PSMD7: variants seen among roughly 807,000 people sequenced by gnomAD.
The protein encoded by PSMD7 is proteasome 26S subunit, non-ATPase 7.
A neutral mutation model predicts 36.4 loss-of-function variants in PSMD7; 13 were observed. The observed-to-expected ratio is 0.36, with a 90% CI of 0.23 to 0.57. The LOEUF (loss-of-function observed/expected upper bound fraction) is 0.57, where lower values mean the gene tolerates loss of function less well. PSMD7 is among the 20% of genes least tolerant of loss of function. The pLI is 0.83. For synonymous variants in PSMD7, 186 were observed against 151.0 expected (o/e 1.23, Z -1.70); for missense variants, 298 against 393.6 (o/e 0.76, Z 2.06).
chr16:74,301,609 A>G lies in PSMD7; in HGVS notation c.314A>G (p.Asp105Gly). 1 of 1,613,866 alleles carries G rather than the reference A, an allele frequency of 6.2e-7. No homozygotes were observed. The highest frequency in any genetic ancestry group is 8.5e-7 in the Non-Finnish European group (1 of 1,179,762). Residue 105 changes from aspartate to glycine, a missense_variant, in exon 4 of 7, where the codon GAC becomes GGC. Physicochemically the swap from Asp to Gly is moderately conservative, Grantham distance 94. Coordinates refer to ENST00000219313, the MANE Select transcript of PSMD7 (RefSeq NM_002811.5). ...YHTGPKLHKNDIAINELMKRY... is the reference protein window; with the variant it reads ...YHTGPKLHKNGIAINELMKRY... ...ACAGGCCCTAAACTACACAAGAATG[A>G]CATTGCCATCAACGAACTCATGAAA...
intron 1 of PSMD7, chr16:74,299,712 C>A: frequency 3.1e-6 from 1 of 323,672 alleles, no homozygotes; most frequent in Non-Finnish European, 6.2e-6. Flanking sequence ...CATCTTTATT[C>A]CAAAAAAGAT....
chr16:74,297,485 T>C (rs2142560427), intron 1 of PSMD7, among the ~76,000 whole-genome samples: 1 of 151,720 alleles, frequency 6.6e-6, no homozygotes, highest in East Asian at 1.9e-4. Flanking sequence ...TTGATTTCAC[T>C]GAAATGTGAA....
intron 1 of PSMD7, 56 bp downstream of exon 1, chr16:74,297,044 A>C (rs1470674879): frequency 2.5e-6 from 4 of 1,573,498 alleles, no homozygotes; most frequent in Non-Finnish European, 3.5e-6. Flanking sequence ...AGTCACGGGC[A>C]CGCTGGAGAT....
intron 4 of PSMD7, among the ~76,000 whole-genome samples, 162 bp downstream of exon 4, chr16:74,301,814 A>G (rs1275011227): frequency 6.6e-6 from 1 of 152,172 alleles, no homozygotes; most frequent in Non-Finnish European, 1.5e-5. Context: ...GTGACCTAAT[A>G]TATTTGATAA....
chr16:74,297,050 G>C (rs920131536), intron 1 of PSMD7, 62 bp downstream of exon 1: 2 of 1,559,218 alleles, frequency 1.3e-6, no homozygotes, highest in Non-Finnish European at 8.7e-7. Context: ...GGGCACGCTG[G>C]AGATGGCGCG....
intron 1 of PSMD7, among the ~76,000 whole-genome samples, chr16:74,298,242 C>G (rs2034129258): frequency 6.6e-6 from 1 of 151,480 alleles, no homozygotes; most frequent in African/African-American, 2.4e-5. Context: ...ATCTAGTAAG[C>G]TCATTGTTTG....
chr16:74,297,956 C>T (rs1391083373), intron 1 of PSMD7, among the ~76,000 whole-genome samples: 1 of 150,668 alleles, frequency 6.6e-6, no homozygotes, highest in Non-Finnish European at 1.5e-5. Context: ...TAGACTCCGT[C>T]TCAAAAAAAA....
At chr16:74,297,116 C>A in intron 1 of PSMD7, 128 bp downstream of exon 1, 3 of 992,652 alleles carry the variant, frequency 3.0e-6, no homozygotes, top group South Asian at 1.5e-5. Flanking sequence ...CTTACTTGTT[C>A]ACGAGTCCAG....
rs1029729622 is a variant in PSMD7 at position 74,305,871 on chromosome 16, C to G, written c.*138C>G. On this transcript the variant is annotated 3_prime_UTR_variant, in exon 7 of 7. Transcript: ENST00000219313. ...CAAGAGCTCTCTGCCTCCGGTCACT[C>G]TTGCTGTGGTGCTACGTGGAAGTGA... The G allele has an allele frequency of 2.3e-5, 23 of 1,007,794 alleles. No homozygotes were observed. Among genetic ancestry groups the G allele is most frequent in the Non-Finnish European group, 3.1e-5 (23 of 752,168 alleles). The allele number at this position is 1,007,794 out of a possible 1,614,324, so 62.4% of individuals were successfully genotyped here.
chr16:74,297,097 C>A (rs1009609885), intron 1 of PSMD7, 109 bp downstream of exon 1: 1 of 1,185,400 alleles, frequency 8.4e-7, no homozygotes, highest in Non-Finnish European at 1.2e-6. Flanking sequence ...GATAGGGCGG[C>A]TGGTGACCCT....
chr16:74,297,017 C>T, intron 1 of PSMD7, 29 bp downstream of exon 1: 1 of 1,600,108 alleles, frequency 6.2e-7, no homozygotes, highest in Non-Finnish European at 8.5e-7. Flanking sequence ...GCTGGGCCGG[C>T]GGCGCAGCCG....
Position 74,305,732 on chromosome 16 carries a change from A to AAAAC in PSMD7, c.*1_*4dup. ...AAAGAGGAGAAAAAGGAGAAAAAGTAAAACATGTATTAAATAGCTTTTTTA... is the reference window on the plus strand; with the variant it reads ...AAAGAGGAGAAAAAGGAGAAAAAGTAAAACAAACATGTATTAAATAGCTTTTTTA... On this transcript the variant is annotated frameshift_variant and stop_retained_variant, in exon 7 of 7. Coordinates refer to ENST00000219313, the MANE Select transcript of PSMD7 (RefSeq NM_002811.5). LOFTEE classifies it high-confidence loss of function. 1 of 1,425,322 alleles carries AAAAC rather than the reference A, an allele frequency of 7.0e-7. No individual in the cohort carries two copies. Among genetic ancestry groups the AAAAC allele is most frequent in the Non-Finnish European group, 9.2e-7 (1 of 1,083,312 alleles). The allele number at this position is 1,425,322 out of a possible 1,614,324, so 88.3% of individuals were successfully genotyped here. A position where few individuals can be genotyped will look rare whatever the true frequency, so the allele number is the denominator to read the frequency against.
intron 1 of PSMD7, among the ~76,000 whole-genome samples, chr16:74,297,260 C>G (rs1250951272): frequency 6.6e-6 from 1 of 152,250 alleles, no homozygotes; most frequent in Non-Finnish European, 1.5e-5. Flanking sequence ...GTTCGTTTTG[C>G]CGAAGTTCGT....
intron 1 of PSMD7, 51 bp downstream of exon 1, chr16:74,297,039 C>G (rs766273119): frequency 6.3e-7 from 1 of 1,579,442 alleles, no homozygotes; most frequent in Non-Finnish European, 8.6e-7. Context: ...TGCTGAGTCA[C>G]GGGCACGCTG....
intron 5 of PSMD7, among the ~76,000 whole-genome samples, chr16:74,302,649 G>A (rs754389932): frequency 2.6e-4 from 39 of 152,092 alleles, no homozygotes; most frequent in African/African-American, 8.9e-4. Flanking sequence ...AGGCTGAGAC[G>A]GGAATATTGT....
At chr16:74,304,051 C>A in intron 5 of PSMD7, 1 of 367,396 alleles carries the variant, frequency 2.7e-6, no homozygotes, top group Admixed American at 4.0e-5. Context: ...CAAGTGTGGG[C>A]TTGAGGGAAT....
In PSMD7 at chr16:74,305,643, G is replaced by C; in HGVS notation, c.885G>C (p.Glu295Asp). ...AEKKEGQEKE[E>D]SKKDRKEDKE... ...AGAAAGAAGGGCAGGAGAAAGAAGA[G>C]AGCAAAAAGGATAGGAAAGAGGACA... is the stretch of plus-strand genomic sequence containing the variant. The change falls in exon 7 of 7, where the codon GAG (glutamate) becomes GAC (aspartate). Residue 295 changes from glutamate to aspartate, a missense_variant. Physicochemically the swap from Glu to Asp is conservative, Grantham distance 45. Coordinates refer to ENST00000219313, the MANE Select transcript of PSMD7 (RefSeq NM_002811.5). The C allele has an allele frequency of 6.4e-7, 1 of 1,564,232 alleles. No homozygotes were observed. Among genetic ancestry groups the C allele is most frequent in the Non-Finnish European group, 8.7e-7 (1 of 1,152,118 alleles).
intron 5 of PSMD7, chr16:74,304,061 T>C (rs977715917): frequency 7.9e-6 from 3 of 381,768 alleles, no homozygotes; most frequent in Non-Finnish European, 9.8e-6. Flanking sequence ...CTTGAGGGAA[T>C]TTCCAGATTT....
At position 74,301,066 on chromosome 16, in the gene PSMD7, G is replaced by A; in HGVS notation, c.181G>A (p.Asp61Asn). ...TTCCTCTTTAGTTCCTTTTGATGAA[G>A]ATGACAAAGACGATTCTGTATGGTT... Reference protein sequence around the residue: ...SNSFAVPFDEDDKDDSVWFLD... With the variant: ...SNSFAVPFDENDKDDSVWFLD... The change falls in exon 3 of 7, where the codon GAT (aspartate) becomes AAT (asparagine). Residue 61 changes from aspartate to asparagine, a missense_variant. Transcript: ENST00000219313. 1.2e-6 allele frequency: 2 copies of A among 1,611,324 alleles called. No individual in the cohort carries two copies. The highest frequency in any genetic ancestry group is 1.7e-6 in the Non-Finnish European group (2 of 1,178,014).
Sources: allele counts gnomAD v4.1 joint callset (sites outside exome capture counted in the v4.1 genomes callset), GRCh38; gene constraint gnomAD v4.1.1; transcripts MANE v1.5; gene names NCBI Gene and HGNC (gene_info 2026-07-23, HGNC 2026-07-21).